Variants in SLC9A9 observed in about 807,000 individuals in gnomAD.
The protein encoded by SLC9A9 is solute carrier family 9 member A9.
Under a neutral mutation model 77.8 loss-of-function variants are expected in SLC9A9, and 62 were observed. The ratio of observed to expected loss-of-function variants is 0.80; its 90% CI spans 0.65 to 0.98. The LOEUF (loss-of-function observed/expected upper bound fraction) is 0.98, where lower values mean the gene tolerates loss of function less well. Among genes scored for constraint, SLC9A9 ranks in the 50% least tolerant of loss-of-function variants. The pLI, the probability that SLC9A9 is intolerant of heterozygous loss-of-function variation, is 0.00. For synonymous variants in SLC9A9, 320 were observed against 283.5 expected (o/e 1.13, Z -1.29); for missense variants, 775 against 774.9 (o/e 1.00, Z 0.00).
In SLC9A9 at chr3:143,621,284, C is replaced by T. The variant is rs568149705; in HGVS notation, c.755+30971G>A. ...AGAGAGTAGTGGTTCTCCCAGCATG[C>T]AGCTGGAGATCTGAGAACGGACAGA... On this transcript the variant is annotated intron_variant, in intron 6 of 15. Transcript: ENST00000316549. Among the ~76,000 whole-genome samples, 35 of 152,328 alleles carry T rather than the reference C, an allele frequency of 2.3e-4. No homozygotes were observed. In the East Asian group the frequency reaches 6.0e-3, roughly 26 times the overall value.
intron 4 of SLC9A9, among the ~76,000 whole-genome samples, chr3:143,714,882 G>A (rs927637014): frequency 2.6e-5 from 4 of 152,198 alleles, no homozygotes; most frequent in African/African-American, 9.7e-5. Flanking sequence ...ATTCCCATGT[G>A]TTGTGGGAGG....
At chr3:143,386,909 T>G (rs2033439484) in intron 12 of SLC9A9, among the ~76,000 whole-genome samples, 1 of 152,200 alleles carries the variant, frequency 6.6e-6, no homozygotes, top group South Asian at 2.1e-4. Context: ...GGTATGTTCT[T>G]GGTTCACTGC....
chr3:143,323,105 G>A (rs188569988), intron 14 of SLC9A9, among the ~76,000 whole-genome samples: 2 of 152,232 alleles, frequency 1.3e-5, no homozygotes, highest in African/African-American at 4.8e-5. Flanking sequence ...TTGGAGAAAC[G>A]GGAACTCTTA....
At chr3:143,780,574 A>G (rs2007840409) in intron 4 of SLC9A9, among the ~76,000 whole-genome samples, 1 of 152,266 alleles carries the variant, frequency 6.6e-6, no homozygotes, top group Non-Finnish European at 1.5e-5. Flanking sequence ...GCAAAATGGA[A>G]GATATAAGGC....
chr3:143,449,878 A>T (rs1576505919), intron 12 of SLC9A9, among the ~76,000 whole-genome samples: 1 of 79,484 alleles, frequency 1.3e-5, no homozygotes, highest in Non-Finnish European at 2.1e-5. Context: ...ATATATAATT[A>T]TATAAATATA....
At chr3:143,333,808 C>T (rs1386156740) in intron 14 of SLC9A9, among the ~76,000 whole-genome samples, 3 of 152,164 alleles carry the variant, frequency 2.0e-5, no homozygotes, top group African/African-American at 4.8e-5. Flanking sequence ...AAATCTTATG[C>T]ATTATGTTAG....
chr3:143,591,413 C>T (rs1344282015), intron 6 of SLC9A9, among the ~76,000 whole-genome samples: 1 of 152,200 alleles, frequency 6.6e-6, no homozygotes, highest in Non-Finnish European at 1.5e-5. Flanking sequence ...CAAATCTTAT[C>T]AAAGGAAGTT....
chr3:143,814,393 G>A (rs1278708357), intron 2 of SLC9A9, among the ~76,000 whole-genome samples: 1 of 152,178 alleles, frequency 6.6e-6, no homozygotes, highest in African/African-American at 2.4e-5. Context: ...AAAGAGCCAA[G>A]GATCAAGGAC....
chr3:143,574,104 C>A lies in SLC9A9; in HGVS notation c.984G>T (p.Glu328Asp), dbSNP rs189441040. 3 of 1,613,350 alleles carry A rather than the reference C, an allele frequency of 1.9e-6. No homozygotes were observed. Among genetic ancestry groups the A allele is most frequent in the Admixed American group, 3.3e-5 (2 of 59,986 alleles). ...LLSWSAFLSA[E>D]AAGLTGIVAV... Reference sequence around the variant, plus strand: ...AGCACTGACCTGTTAGGCCGGCAGCCTCGGCAGACAGGAAGGCACTCCAAG... The same window carrying A: ...AGCACTGACCTGTTAGGCCGGCAGCATCGGCAGACAGGAAGGCACTCCAAG... The change falls in exon 8 of 16, where the codon GAG (glutamate) becomes GAT (aspartate). Residue 328 changes from glutamate to aspartate, a missense_variant. Physicochemically the swap from Glu to Asp is conservative, Grantham distance 45. Transcript: ENST00000316549.
At chr3:143,565,884 G>A (rs2037160000) in intron 8 of SLC9A9, among the ~76,000 whole-genome samples, 1 of 152,078 alleles carries the variant, frequency 6.6e-6, no homozygotes, top group South Asian at 2.1e-4. Context: ...TTTGTTTTGA[G>A]AAACAATTCA....
Position 143,472,348 on chromosome 3 carries a change from G to T in SLC9A9, c.1316-5158C>A, listed in dbSNP as rs372864574. On this transcript the variant is annotated intron_variant, in intron 11 of 15. Transcript: ENST00000316549. ...CATGAGGGCCCAAATCGTGAGCATCGTCATGAACTGATGTGCAGCATTTAA... is the reference window on the plus strand; with the variant it reads ...CATGAGGGCCCAAATCGTGAGCATCTTCATGAACTGATGTGCAGCATTTAA... Among the ~76,000 whole-genome samples the T allele has an allele frequency of 1.7e-3, 265 of 152,272 alleles. 1 individual carries two copies. Among genetic ancestry groups the T allele is most frequent in the African/African-American group, 6.1e-3 (253 of 41,548 alleles).
chr3:143,416,957 A>C (rs908612340), intron 12 of SLC9A9, among the ~76,000 whole-genome samples: 1 of 152,178 alleles, frequency 6.6e-6, no homozygotes, highest in Non-Finnish European at 1.5e-5. Flanking sequence ...GCTTGAGTTT[A>C]TTCCCTGAGT....
chr3:143,558,796 C>T (rs949613997), intron 8 of SLC9A9, among the ~76,000 whole-genome samples: 2 of 152,038 alleles, frequency 1.3e-5, no homozygotes, highest in African/African-American at 4.8e-5. Flanking sequence ...TAGGTTAAGA[C>T]TTTGGGGGAC....
chr3:143,718,388 T>G (rs1377807053), intron 4 of SLC9A9, among the ~76,000 whole-genome samples: 1 of 151,320 alleles, frequency 6.6e-6, no homozygotes, highest in Non-Finnish European at 1.5e-5. Flanking sequence ...TGTTTCATGA[T>G]TTTTTTGAAA....
intron 12 of SLC9A9, among the ~76,000 whole-genome samples, chr3:143,438,059 G>C (rs1277686212): frequency 6.6e-6 from 1 of 152,242 alleles, no homozygotes; most frequent in Non-Finnish European, 1.5e-5. Flanking sequence ...GCATAATGCA[G>C]ATGCAGAAAG....
chr3:143,534,666 G>A lies in SLC9A9; in HGVS notation c.1089+17696C>T, dbSNP rs570203090. Among the ~76,000 whole-genome samples, 13 of 152,236 alleles carry A rather than the reference G, an allele frequency of 8.5e-5. No individual in the cohort carries two copies. The East Asian group carries it at 9.7e-4, about 11-fold the overall frequency. Reference sequence around the variant, plus strand: ...AGCTGGGGTCCTGGCACCTACCTGCGCCCCATGTGCTGACCAACAGGGCAG... The same window carrying A: ...AGCTGGGGTCCTGGCACCTACCTGCACCCCATGTGCTGACCAACAGGGCAG... On this transcript the variant is annotated intron_variant, in intron 9 of 15. Coordinates refer to ENST00000316549, the MANE Select transcript of SLC9A9 (RefSeq NM_173653.4).
intron 14 of SLC9A9, among the ~76,000 whole-genome samples, chr3:143,323,164 A>G (rs1179254272): frequency 2.0e-5 from 3 of 152,216 alleles, no homozygotes; most frequent in Admixed American, 1.3e-4. Context: ...TGGAAATTGC[A>G]TAACAATTTC....
intron 6 of SLC9A9, among the ~76,000 whole-genome samples, chr3:143,612,447 C>T (rs987042493): frequency 1.3e-5 from 2 of 152,130 alleles, no homozygotes; most frequent in African/African-American, 2.4e-5. Flanking sequence ...GACTTGAGCT[C>T]ACATTGATCT....
chr3:143,457,853 C>A (rs2035121401), intron 12 of SLC9A9, among the ~76,000 whole-genome samples: 1 of 152,122 alleles, frequency 6.6e-6, no homozygotes, highest in African/African-American at 2.4e-5. Flanking sequence ...GGTTTTATGA[C>A]CTATGCTATT....
Sources: gnomAD v4.1 joint callset for allele counts (sites outside exome capture counted in the v4.1 genomes callset) on GRCh38, gnomAD v4.1.1 for gene constraint, MANE v1.5 for transcripts, NCBI Gene and HGNC (gene_info 2026-07-23, HGNC 2026-07-21) for gene names.